CSMD1: variants seen among roughly 807,000 people sequenced by gnomAD.
CSMD1 encodes the protein CUB and Sushi multiple domains 1, also known as CUB and sushi domain-containing protein 1.
In CSMD1, 213 loss-of-function variants were observed where a neutral mutation model predicts 417.5. The ratio of observed to expected loss-of-function variants is 0.51; its 90% CI spans 0.46 to 0.57. The LOEUF (loss-of-function observed/expected upper bound fraction) is 0.57, where lower values mean the gene tolerates loss of function less well. Ranked by LOEUF, CSMD1 falls within the 20% of genes least tolerant of loss-of-function variation. CSMD1 has a pLI of 0.00. For synonymous variants in CSMD1, 2,862 were observed against 1,736.8 expected (o/e 1.65, Z -16.11); for missense variants, 6,923 against 4,529.7 (o/e 1.53, Z -15.17).
At chr8:4,707,647 G>A (rs1023100497) in intron 1 of CSMD1, among the ~76,000 whole-genome samples, 2 of 151,996 alleles carry the variant, frequency 1.3e-5, no homozygotes, top group South Asian at 4.1e-4. Context: ...AGCACTTTGG[G>A]AGGCCGAGGC....
At chr8:3,356,393 G>A (rs1299836676) in intron 21 of CSMD1, among the ~76,000 whole-genome samples, 3 of 152,154 alleles carry the variant, frequency 2.0e-5, no homozygotes, top group African/African-American at 4.8e-5. Context: ...AAGACAACTT[G>A]AGGCCGGGCA....
chr8:3,888,304 G>T (rs904766837), intron 5 of CSMD1, among the ~76,000 whole-genome samples: 1 of 152,152 alleles, frequency 6.6e-6, no homozygotes, highest in Non-Finnish European at 1.5e-5. Context: ...TTGACACTTT[G>T]ATCTTCAAGG....
At chr8:3,693,445 G>C (rs1370809626) in intron 7 of CSMD1, among the ~76,000 whole-genome samples, 3 of 152,088 alleles carry the variant, frequency 2.0e-5, no homozygotes, top group African/African-American at 7.2e-5. Flanking sequence ...ACTTAGCTGG[G>C]TATTGATACG....
At chr8:3,100,409 C>G (rs80151582) in intron 46 of CSMD1, among the ~76,000 whole-genome samples, 4,002 of 152,306 alleles carry the variant, frequency 0.026, 159 homozygotes, top group East Asian at 0.18. Context: ...TGGAACCACT[C>G]CTTCTCCTCA....
chr8:4,292,372 C>A (rs1797419295), intron 3 of CSMD1, among the ~76,000 whole-genome samples: 2 of 152,094 alleles, frequency 1.3e-5, no homozygotes, highest in South Asian at 4.1e-4. Flanking sequence ...CCTGCCTCAG[C>A]CTCCAGAGTA....
intron 16 of CSMD1, 64 bp from the exon 17 acceptor site, chr8:3,396,445 G>T (rs1811707920): frequency 2.6e-6 from 3 of 1,170,716 alleles, no homozygotes; most frequent in Non-Finnish European, 3.6e-6. Flanking sequence ...ACGTGCTCCT[G>T]ACATCCTCAT....
chr8:4,461,730 T>A (rs907603417), intron 2 of CSMD1, among the ~76,000 whole-genome samples: 1 of 126,550 alleles, frequency 7.9e-6, no homozygotes, highest in Non-Finnish European at 1.6e-5. Flanking sequence ...TTATTTATTA[T>A]TTATTTACTT....
intron 2 of CSMD1, among the ~76,000 whole-genome samples, chr8:4,422,765 T>C (rs1797320674): frequency 6.6e-6 from 1 of 152,062 alleles, no homozygotes; most frequent in Admixed American, 6.6e-5. Context: ...CTCATGCATA[T>C]AGATGCAAAA....
intron 1 of CSMD1, among the ~76,000 whole-genome samples, chr8:4,784,436 T>G (rs1018415123): frequency 6.6e-6 from 1 of 152,214 alleles, no homozygotes; most frequent in South Asian, 2.1e-4. Context: ...TTTTTAAAAT[T>G]TTGAACCCGT....
chr8:4,542,464 T>C (rs1563271420), intron 2 of CSMD1, among the ~76,000 whole-genome samples: 1 of 152,260 alleles, frequency 6.6e-6, no homozygotes, highest in African/African-American at 2.4e-5. Flanking sequence ...AATGGGATAT[T>C]TGAATAGATC....
chr8:3,673,328 G>C (rs77427785), intron 7 of CSMD1, among the ~76,000 whole-genome samples: 2,293 of 152,254 alleles, frequency 0.015, 54 homozygotes, highest in African/African-American at 0.051. Context: ...TGAAAATTCA[G>C]CAAGTACTGA....
intron 26 of CSMD1, among the ~76,000 whole-genome samples, chr8:3,267,408 GC>G (rs1246535193): frequency 1.3e-5 from 2 of 152,228 alleles, no homozygotes; most frequent in East Asian, 3.9e-4. Flanking sequence ...AGGCTTCGCT[GC>G]AACAATAGAT....
chr8:4,406,076 A>G (rs1433115445), intron 3 of CSMD1, among the ~76,000 whole-genome samples: 3 of 152,204 alleles, frequency 2.0e-5, no homozygotes, highest in South Asian at 2.1e-4. Flanking sequence ...TTTTTGGTCT[A>G]TTAGTAAAAT....
At chr8:3,580,181 C>T (rs147759265) in intron 9 of CSMD1, among the ~76,000 whole-genome samples, 3 of 151,932 alleles carry the variant, frequency 2.0e-5, no homozygotes, top group African/African-American at 4.8e-5. Context: ...GAGGGTATGG[C>T]GGAGAGAGAA....
chr8:4,197,333 G>C (rs1484075229), intron 3 of CSMD1, among the ~76,000 whole-genome samples: 1 of 152,216 alleles, frequency 6.6e-6, no homozygotes, highest in Non-Finnish European at 1.5e-5. Context: ...CTTGGCCATA[G>C]GATGCCCAGA....
chr8:3,875,257 GAGA>G (rs374027469), intron 5 of CSMD1, among the ~76,000 whole-genome samples: 11 of 152,290 alleles, frequency 7.2e-5, no homozygotes, highest in African/African-American at 2.6e-4. Context: ...GACCATAGCT[GAGA>G]AGAAGGATAA....
intron 3 of CSMD1, among the ~76,000 whole-genome samples, chr8:4,312,898 C>T (rs181287484): frequency 1.7e-3 from 265 of 152,132 alleles, no homozygotes; most frequent in Middle Eastern, 6.8e-3. Context: ...TTTCATCACA[C>T]GTGGCAAAAA....
intron 23 of CSMD1, among the ~76,000 whole-genome samples, chr8:3,332,017 T>C (rs1033996723): frequency 4.6e-5 from 7 of 152,122 alleles, no homozygotes; most frequent in African/African-American, 1.7e-4. Context: ...ACATATGTAA[T>C]AGATGGATAT....
intron 4 of CSMD1, among the ~76,000 whole-genome samples, chr8:4,022,556 CAG>C (rs1163678337): frequency 2.0e-5 from 3 of 152,102 alleles, no homozygotes; most frequent in African/African-American, 7.2e-5. Context: ...TGTCATGAAA[CAG>C]GGTGTGCATT....
Sources: allele counts gnomAD v4.1 joint callset (sites outside exome capture counted in the v4.1 genomes callset), GRCh38; gene constraint gnomAD v4.1.1; transcripts MANE v1.5; gene names NCBI Gene and HGNC (gene_info 2026-07-23, HGNC 2026-07-21).